Variants in AKAP9 observed in about 807,000 individuals in gnomAD.
AKAP9 encodes A-kinase anchor protein 9.
AKAP9 carries 311 observed loss-of-function variants against 488.5 expected under a neutral mutation model. That is an observed-to-expected ratio of 0.64 (90% CI 0.58 to 0.70). The LOEUF (loss-of-function observed/expected upper bound fraction) is 0.70, where lower values mean the gene tolerates loss of function less well. AKAP9 is among the 30% of genes least tolerant of loss of function. AKAP9 has a pLI of 0.00. For missense variants in AKAP9, 4,215 were observed against 4,374.5 expected, an observed-to-expected ratio of 0.96 and a Z score of 1.03; for synonymous variants, 1,462 against 1,483.5, an observed-to-expected ratio of 0.99 and a Z score of 0.33.
chr7:91,942,254 G>A (rs1790857016), intron 1 of AKAP9, among the ~76,000 whole-genome samples: 1 of 152,038 alleles, frequency 6.6e-6, no homozygotes, highest in African/African-American at 2.4e-5. Context: ...TATCAATGAA[G>A]GGCCATACCG....
intron 23 of AKAP9, 53 bp downstream of exon 23, chr7:92,061,475 A>C (rs1809777982): frequency 1.2e-6 from 2 of 1,601,650 alleles, no homozygotes; most frequent in Admixed American, 3.4e-5. Flanking sequence ...GTCTTAAAAT[A>C]GAGATTTTTG....
intron 26 of AKAP9, among the ~76,000 whole-genome samples, chr7:92,068,121 G>A (rs1399315024): frequency 6.6e-6 from 1 of 151,934 alleles, no homozygotes; most frequent in African/African-American, 2.4e-5. Flanking sequence ...AGCACTTTGG[G>A]AGGCCGAGGT....
In AKAP9 at chr7:92,040,654, T is replaced by TTG; in HGVS notation, c.4693-19_4693-18insGT. 6.8e-7 allele frequency: 1 copy of TTG among 1,470,066 alleles called. No homozygotes were observed. Among genetic ancestry groups the TTG allele is most frequent in the East Asian group, 2.5e-5 (1 of 40,780 alleles). The allele number at this position is 1,470,066 out of a possible 1,614,324, so 91.1% of individuals were successfully genotyped here. On this transcript the variant is annotated intron_variant, in intron 17 of 49. Transcript: ENST00000356239. ...TGTGTTATGGTTGAATTGTTTTTTT[T>TTG]TTTTTTTTTACTATTAAAGATTCAT...
At chr7:92,063,997 G>A (rs1810350998) in intron 24 of AKAP9, among the ~76,000 whole-genome samples, 1 of 152,108 alleles carries the variant, frequency 6.6e-6, no homozygotes, top group Admixed American at 6.6e-5. Context: ...GGCCAGGCTG[G>A]TCTCAATCTC....
At chr7:92,053,956 G>A (rs1421622298) in intron 22 of AKAP9, among the ~76,000 whole-genome samples, 1 of 152,104 alleles carries the variant, frequency 6.6e-6, no homozygotes, top group East Asian at 1.9e-4. Context: ...TGTTCACATT[G>A]TTCTCTGGCT....
At chr7:91,961,582 C>T (rs1369093725) in intron 1 of AKAP9, among the ~76,000 whole-genome samples, 13 of 152,146 alleles carry the variant, frequency 8.5e-5, no homozygotes, top group African/African-American at 1.9e-4. Context: ...TGGTGGCTCA[C>T]GCCTGTAATC....
intron 31 of AKAP9, among the ~76,000 whole-genome samples, chr7:92,081,152 G>C (rs10271430): frequency 0.57 from 86,787 of 151,724 alleles, 26,145 homozygotes; most frequent in African/African-American, 0.78. Flanking sequence ...TTCTTAATTT[G>C]CTTCTAATAT....
chr7:92,093,700 A>G (rs1445635443), intron 39 of AKAP9, among the ~76,000 whole-genome samples: 2 of 152,200 alleles, frequency 1.3e-5, no homozygotes, highest in Non-Finnish European at 2.9e-5. Flanking sequence ...CTTGGTATAA[A>G]TACTGAGATA....
At position 92,070,193 on chromosome 7, in the gene AKAP9, A is replaced by C; in HGVS notation, c.6494A>C (p.Asp2165Ala). 6.2e-7 allele frequency: 1 copy of C among 1,614,040 alleles called. No homozygotes were observed. Among genetic ancestry groups the C allele is most frequent in the Non-Finnish European group, 8.5e-7 (1 of 1,179,932 alleles). ...ELEQALLVSA[D>A]TFQKVEDRKH... The stretch of plus-strand genomic sequence containing the variant: ...GAGCAGGCGCTTCTTGTGAGTGCAG[A>C]TACTTTTCAAAAGGTGTGGCATTTT... The change falls in exon 27 of 50, where the codon GAT becomes GCT. Residue 2165 changes from aspartate to alanine, a missense_variant. Transcript: ENST00000356239.
At chr7:92,051,516 A>G (rs1408548963) in intron 21 of AKAP9, among the ~76,000 whole-genome samples, 3 of 152,234 alleles carry the variant, frequency 2.0e-5, no homozygotes, top group Non-Finnish European at 4.4e-5. Flanking sequence ...GGAAACATTT[A>G]AAATCATGCC....
In AKAP9 at chr7:91,992,989, G is replaced by C. The variant is rs144888041; in HGVS notation, c.510G>C (p.Glu170Asp). 4,371 of 1,614,098 alleles carry C rather than the reference G, an allele frequency of 2.7e-3. 12 individuals are homozygous for C. The highest frequency in any genetic ancestry group is 4.3e-3 in the Admixed American group (256 of 60,010). Residue 170 changes from glutamate (E) to aspartate (D), a missense_variant, in exon 5 of 50, where the codon GAG becomes GAC. By Grantham distance (45) the Glu-to-Asp change is conservative (BLOSUM62 2). This residue lies in a region of AKAP9 where 2,361 missense variants were observed against 2,430.0 expected (regional missense o/e 0.97). Coordinates refer to ENST00000356239, the MANE Select transcript of AKAP9 (RefSeq NM_005751.5). ...GTGAGTTGGCTGGGAAGCAGCATGA[G>C]ATTGAAGAGCTAAACAGAGAGCTGG... ...MESELAGKQH[E>D]IEELNRELEE... is the part of the protein sequence containing the mutation.
intron 21 of AKAP9, among the ~76,000 whole-genome samples, 172 bp from the exon 22 acceptor site, chr7:92,052,554 T>G (rs1048045792): frequency 6.6e-6 from 1 of 152,212 alleles, no homozygotes; most frequent in African/African-American, 2.4e-5. Context: ...TTTGCTTGGT[T>G]ATTGAATAAT....
At chr7:92,060,428 G>A (rs1278286000) in intron 22 of AKAP9, among the ~76,000 whole-genome samples, 1 of 152,072 alleles carries the variant, frequency 6.6e-6, no homozygotes, top group East Asian at 1.9e-4. Context: ...AATTGTTTCA[G>A]TAATAACAGA....
At chr7:91,995,304 A>G (rs1798252763) in intron 6 of AKAP9, among the ~76,000 whole-genome samples, 2 of 152,170 alleles carry the variant, frequency 1.3e-5, no homozygotes, top group Admixed American at 1.3e-4. Flanking sequence ...TCTGAAAGGG[A>G]TTGGAACTAC....
At chr7:92,007,077 A>G (rs942320167) in intron 8 of AKAP9, among the ~76,000 whole-genome samples, 1 of 152,166 alleles carries the variant, frequency 6.6e-6, no homozygotes, top group Non-Finnish European at 1.5e-5. Context: ...CCCACTTACC[A>G]AGAACCAACA....
chr7:91,945,034 G>A (rs983900802), intron 1 of AKAP9, among the ~76,000 whole-genome samples: 3 of 152,138 alleles, frequency 2.0e-5, no homozygotes, highest in Non-Finnish European at 2.9e-5. Context: ...AACTGAGGTT[G>A]ACAGAATACT....
chr7:92,003,889 A>G (rs1176581000), intron 8 of AKAP9, among the ~76,000 whole-genome samples: 1 of 152,182 alleles, frequency 6.6e-6, no homozygotes, highest in Non-Finnish European at 1.5e-5. Context: ...AAATTCTGCT[A>G]TCTACAATGT....
chr7:92,106,304 A>G (rs1456129227), intron 47 of AKAP9, among the ~76,000 whole-genome samples: 4 of 152,230 alleles, frequency 2.6e-5, no homozygotes, highest in Non-Finnish European at 2.9e-5. Flanking sequence ...GCACCTGGCC[A>G]TGCTCTTTTC....
intron 22 of AKAP9, among the ~76,000 whole-genome samples, chr7:92,056,577 G>A (rs1195036482): frequency 2.7e-5 from 4 of 150,806 alleles, no homozygotes; most frequent in African/African-American, 7.3e-5. Context: ...CTAACTGGAG[G>A]GTTGCATAAG....
Sources: allele counts gnomAD v4.1 joint callset (sites outside exome capture counted in the v4.1 genomes callset), GRCh38; gene constraint gnomAD v4.1.1; regional missense constraint gnomAD v4.1.1; transcripts MANE v1.5; gene names NCBI Gene and HGNC (gene_info 2026-07-23, HGNC 2026-07-21).